Variants in CDK5RAP3 observed in about 807,000 individuals in gnomAD.
The protein encoded by CDK5RAP3 is CDK5 regulatory subunit associated protein 3, also known as CDK5 regulatory subunit-associated protein 3.
A neutral mutation model predicts 73.3 loss-of-function variants in CDK5RAP3; 58 were observed. The observed-to-expected ratio is 0.79, with a 90% CI of 0.64 to 0.98. CDK5RAP3 has a LOEUF of 0.98. CDK5RAP3 is among the 50% of genes least tolerant of loss of function. The probability of loss-of-function intolerance (pLI) is 0.00; values close to 1 mark genes in which losing one functional copy is unlikely to be tolerated. For synonymous variants in CDK5RAP3, 224 were observed against 247.5 expected (o/e 0.91, Z 0.89); for missense variants, 525 against 615.8 (o/e 0.85, Z 1.56).
At chr17:47,981,081 G>T in intron 12 of CDK5RAP3, 82 bp from the exon 13 acceptor site, 1 of 1,472,390 alleles carries the variant, frequency 6.8e-7, no homozygotes, top group South Asian at 1.3e-5. Flanking sequence ...TTGGTTTCCC[G>T]AGCCTCTCAC....
At chr17:47,977,080 T>G (rs1053181183) in intron 9 of CDK5RAP3, among the ~76,000 whole-genome samples, 1 of 151,820 alleles carries the variant, frequency 6.6e-6, no homozygotes, top group African/African-American at 2.4e-5. Flanking sequence ...TTCAAGTGAT[T>G]CTCCTGCCTC....
intron 6 of CDK5RAP3, 52 bp downstream of exon 6, chr17:47,975,389 T>G: frequency 3.1e-6 from 5 of 1,606,538 alleles, no homozygotes; most frequent in Non-Finnish European, 4.3e-6. Flanking sequence ...CCCCTGCTTG[T>G]CTTCCTCTGA....
Position 47,981,248 on chromosome 17 carries a change from AAGC to A in CDK5RAP3, c.1375_1377del (p.Gln459del). The A allele has an allele frequency of 6.2e-7, 1 of 1,614,236 alleles. No homozygotes were observed. Among genetic ancestry groups the A allele is most frequent in the East Asian group, 2.2e-5 (1 of 44,886 alleles). ...TTTGAAGAAAGAGCTGATGGTGCAG[AAGC>A]AGCAGGAGGCACTTGAGGAGCAGGC... is the stretch of plus-strand genomic sequence containing the variant. On this transcript the variant is annotated inframe_deletion, in exon 13 of 14. Transcript: ENST00000338399.
At chr17:47,981,060 C>T in intron 12 of CDK5RAP3, 103 bp from the exon 13 acceptor site, 1 of 1,271,638 alleles carries the variant, frequency 7.9e-7, no homozygotes, top group East Asian at 2.3e-5. Context: ...GGTAAGCGGC[C>T]AGTTGGGGGT....
Position 47,974,400 on chromosome 17 carries a change from G to A in CDK5RAP3, c.286G>A (p.Asp96Asn). ...ACATTGTTTTTCTGTTCTTACTCAG[G>A]ATTGGCAGGAGATTATAGCTCTGTA... is the stretch of plus-strand genomic sequence containing the variant. ...FGRYSSQRMK[D>N]WQEIIALYEK... The change falls in exon 5 of 14, where the codon GAT becomes AAT. Residue 96 changes from aspartate (D) to asparagine (N), a missense_variant and splice_region_variant. Around this residue, in one of 2 missense-constraint regions of CDK5RAP3, gnomAD observed 409 missense variants for 429.8 expected, o/e 0.95. Transcript: ENST00000338399. 6.2e-7 allele frequency: 1 copy of A among 1,613,626 alleles called. No individual in the cohort carries two copies. Among genetic ancestry groups the A allele is most frequent in the Non-Finnish European group, 8.5e-7 (1 of 1,179,492 alleles).
At chr17:47,974,675 G>A (rs1463964675) in intron 5 of CDK5RAP3, 4 of 1,367,974 alleles carry the variant, frequency 2.9e-6, no homozygotes, top group Non-Finnish European at 3.8e-6. Context: ...CATTCGCCGT[G>A]CCTCAGCGAG....
intron 11 of CDK5RAP3, 158 bp downstream of exon 11, chr17:47,979,075 T>C: frequency 1.6e-6 from 1 of 616,906 alleles, no homozygotes. Context: ...CTCCTATTCA[T>C]CCAGTTACTT....
rs1269013475 is a variant in CDK5RAP3 at position 47,974,146 on chromosome 17, G to A, written c.285+115G>A. 5.1e-6 allele frequency: 4 copies of A among 781,110 alleles called. No homozygotes were observed. In the East Asian group the frequency reaches 1.0e-4, roughly 20 times the overall value. The allele number at this position is 781,110 out of a possible 1,614,324, so 48.4% of individuals were successfully genotyped here. A position where few individuals can be genotyped will look rare whatever the true frequency, so the allele number is the denominator to read the frequency against. ...GGGATGCCTACATAGAATATTTCCT[G>A]AACTTTCACTCTGTCTCTATAGTTT... On this transcript the variant is annotated intron_variant, in intron 4 of 13. Coordinates refer to ENST00000338399, the MANE Select transcript of CDK5RAP3 (RefSeq NM_176096.3).
intron 2 of CDK5RAP3, among the ~76,000 whole-genome samples, chr17:47,972,481 G>A (rs1649979330): frequency 6.6e-6 from 1 of 152,176 alleles, no homozygotes; most frequent in Admixed American, 6.5e-5. Context: ...TTGACCGGTT[G>A]GCAGAGTTCA....
chr17:47,980,610 C>T lies in CDK5RAP3; in HGVS notation c.1095C>T (p.Ala365=). 4 of 1,613,090 alleles carry T rather than the reference C, an allele frequency of 2.5e-6. No individual in the cohort carries two copies. Among genetic ancestry groups the T allele is most frequent in the African/African-American group, 1.3e-5 (1 of 74,970 alleles). The change falls in exon 12 of 14, where the codon GCC becomes GCT. Residue 365 remains alanine (A), a synonymous_variant. Coordinates refer to ENST00000338399, the MANE Select transcript of CDK5RAP3 (RefSeq NM_176096.3). ...GTCCTCAGCTTGAGATCTTCTTAGC[C>T]CAGAGAGCAGTGGAGTTGAGTGAGG... ...DELMELEIFL[A]QRAVELSEEA...
At chr17:47,973,218 T>G (rs189151907) in intron 2 of CDK5RAP3, among the ~76,000 whole-genome samples, 99 of 152,258 alleles carry the variant, frequency 6.5e-4, no homozygotes, top group African/African-American at 2.3e-3. Flanking sequence ...GCAAAAATAT[T>G]ATGGGGAATT....
chr17:47,968,930 C>G (rs1450392224), upstream of CDK5RAP3, among the ~76,000 whole-genome samples: 1 of 152,094 alleles, frequency 6.6e-6, no homozygotes. Flanking sequence ...GGATTACAGG[C>G]GTGAGCCACC....
intron 2 of CDK5RAP3, among the ~76,000 whole-genome samples, chr17:47,972,869 G>C (rs1340989912): frequency 6.6e-6 from 1 of 152,130 alleles, no homozygotes; most frequent in Non-Finnish European, 1.5e-5. Flanking sequence ...CAAGAAACTT[G>C]ATAACGAGAA....
At position 47,980,682 on chromosome 17, in the gene CDK5RAP3, C is replaced by T. The variant is rs1170081092; in HGVS notation, c.1167C>T (p.Ile389=). 1.2e-6 allele frequency: 2 copies of T among 1,614,132 alleles called. No homozygotes were observed. Among genetic ancestry groups the T allele is most frequent in the Non-Finnish European group, 8.5e-7 (1 of 1,180,018 alleles). ...SVSQFQLAPA[I]LQGQTKEKMV... ...GCCAGTTCCAGCTGGCTCCAGCCAT[C>T]CTGCAGGGCCAGACCAAAGAGAAGA... Residue 389 remains isoleucine (I), a synonymous_variant, in exon 12 of 14, where the codon ATC becomes ATT. Coordinates refer to ENST00000338399, the MANE Select transcript of CDK5RAP3 (RefSeq NM_176096.3).
chr17:47,970,772 G>A, upstream of CDK5RAP3: 1 of 1,496,854 alleles, frequency 6.7e-7, no homozygotes, highest in Non-Finnish European at 9.0e-7. Context: ...GCCAGCAGAC[G>A]TCTCAATCTG....
At position 47,977,880 on chromosome 17, in the gene CDK5RAP3, C is replaced by G; in HGVS notation, c.958C>G (p.Gln320Glu). The part of the protein sequence containing the change: ...IDWGDDAVAL[Q>E]ITVLEAGTQA... The stretch of plus-strand genomic sequence containing the variant: ...CTGGGGAGACGATGCTGTTGCTTTG[C>G]AGATCACAGTGCTGGAAGCAGGAAC... The change falls in exon 10 of 14, where the codon CAG becomes GAG. Residue 320 changes from glutamine (Q) to glutamate (E), a missense_variant. Gln to Glu is a conservative substitution (Grantham distance 29). Around this residue, in one of 2 missense-constraint regions of CDK5RAP3, gnomAD observed 409 missense variants for 429.8 expected, o/e 0.95. Coordinates refer to ENST00000338399, the MANE Select transcript of CDK5RAP3 (RefSeq NM_176096.3). The G allele has an allele frequency of 6.2e-7, 1 of 1,614,038 alleles. No homozygotes were observed. The highest frequency in any genetic ancestry group is 8.5e-7 in the Non-Finnish European group (1 of 1,179,972).
upstream of CDK5RAP3, among the ~76,000 whole-genome samples, chr17:47,968,850 A>G (rs1349920753): frequency 2.0e-5 from 3 of 151,998 alleles, no homozygotes; most frequent in Non-Finnish European, 4.4e-5. Context: ...GGATTTCACC[A>G]TGTTGATCAG....
At chr17:47,974,706 A>G (rs900439373) in intron 5 of CDK5RAP3, 2 of 1,344,934 alleles carry the variant, frequency 1.5e-6, no homozygotes, top group Admixed American at 3.2e-5. Context: ...TGGGTCCTCC[A>G]CCACTCACCT....
intron 2 of CDK5RAP3, among the ~76,000 whole-genome samples, chr17:47,971,609 C>T (rs983457008): frequency 2.6e-5 from 4 of 152,218 alleles, no homozygotes; most frequent in African/African-American, 9.7e-5. Context: ...GTTTGACCTG[C>T]GTTTTCTCCT....
Sources: allele counts gnomAD v4.1 joint callset (sites outside exome capture counted in the v4.1 genomes callset), GRCh38; gene constraint gnomAD v4.1.1; regional missense constraint gnomAD v4.1.1; transcripts MANE v1.5; gene names NCBI Gene and HGNC (gene_info 2026-07-23, HGNC 2026-07-21).